HUNK: variants seen among roughly 807,000 people sequenced by gnomAD.
HUNK encodes the protein hormonally up-regulated neu tumor-associated kinase.
A neutral mutation model predicts 61.0 loss-of-function variants in HUNK; 21 were observed. That is an observed-to-expected ratio of 0.34 (90% CI 0.24 to 0.50). The LOEUF is 0.50. Ranked by LOEUF, HUNK falls within the 20% of genes least tolerant of loss-of-function variation. The probability of loss-of-function intolerance (pLI) is 0.98; values close to 1 mark genes in which losing one functional copy is unlikely to be tolerated. For synonymous variants in HUNK, 371 were observed against 386.1 expected, an observed-to-expected ratio of 0.96 and a Z score of 0.46; for missense variants, 772 against 945.7, an observed-to-expected ratio of 0.82 and a Z score of 2.41.
At chr21:31,960,300 T>C (rs2052918227) in intron 5 of HUNK, among the ~76,000 whole-genome samples, 1 of 151,818 alleles carries the variant, frequency 6.6e-6, no homozygotes, top group Admixed American at 6.5e-5. Flanking sequence ...AAATGGGTAA[T>C]AAACATGTGT....
At chr21:31,976,374 T>C (rs2053049046) in intron 7 of HUNK, among the ~76,000 whole-genome samples, 1 of 152,026 alleles carries the variant, frequency 6.6e-6, no homozygotes, top group African/African-American at 2.4e-5. Context: ...CAGTTCTCTG[T>C]TCTCTCATCA....
chr21:31,905,191 G>C (rs2052496883), intron 1 of HUNK, among the ~76,000 whole-genome samples: 1 of 152,116 alleles, frequency 6.6e-6, no homozygotes, highest in Non-Finnish European at 1.5e-5. Flanking sequence ...ACATAGGGAA[G>C]ACCGCATGAA....
intron 4 of HUNK, among the ~76,000 whole-genome samples, chr21:31,947,041 G>A (rs8130771): frequency 0.025 from 3,781 of 151,298 alleles, 60 homozygotes; most frequent in Non-Finnish European, 0.039. Flanking sequence ...TGGCGCCTGC[G>A]CATTCCCACA....
intron 5 of HUNK, among the ~76,000 whole-genome samples, chr21:31,965,677 C>T (rs530253050): frequency 3.3e-5 from 5 of 149,834 alleles, no homozygotes; most frequent in African/African-American, 4.9e-5. Flanking sequence ...TCTCAGCTCA[C>T]TGCAAACTCT....
At chr21:31,899,044 G>A (rs1297391320) in intron 1 of HUNK, among the ~76,000 whole-genome samples, 1 of 152,030 alleles carries the variant, frequency 6.6e-6, no homozygotes, top group East Asian at 1.9e-4. Context: ...CTTGTTCTCG[G>A]TAGGTTTATG....
chr21:31,997,132 C>A (rs2053211377), intron 10 of HUNK, among the ~76,000 whole-genome samples: 1 of 152,256 alleles, frequency 6.6e-6, no homozygotes, highest in Non-Finnish European at 1.5e-5. Context: ...GCTGGGCCTC[C>A]ACAGAGCCTA....
chr21:31,972,754 G>A (rs1177847916), intron 6 of HUNK, among the ~76,000 whole-genome samples: 2 of 152,206 alleles, frequency 1.3e-5, no homozygotes, highest in African/African-American at 4.8e-5. Flanking sequence ...GTGTAATTTT[G>A]TGACAAACAG....
chr21:31,886,985 A>G lies in HUNK; in HGVS notation c.261+13050A>G, dbSNP rs140973905. Among the ~76,000 whole-genome samples the G allele has an allele frequency of 2.8e-3, 427 of 152,310 alleles. 5 individuals are homozygous for G. Among genetic ancestry groups the G allele is most frequent in the African/African-American group, 9.7e-3 (402 of 41,564 alleles). ...AAGCATGGTTTGATCTTCCCAAGAC[A>G]TGTGGACAGCCTTCTAGGGGGTAAT... On this transcript the variant is annotated intron_variant, in intron 1 of 10. Coordinates refer to ENST00000270112, the MANE Select transcript of HUNK (RefSeq NM_014586.2).
intron 8 of HUNK, among the ~76,000 whole-genome samples, 193 bp from the exon 9 acceptor site, chr21:31,989,936 C>A (rs115659534): frequency 0.016 from 2,432 of 152,070 alleles, 74 homozygotes; most frequent in African/African-American, 0.054. Context: ...AAAAGTTTAC[C>A]TAGAAAATCT....
At chr21:31,900,992 A>G (rs2052463046) in intron 1 of HUNK, among the ~76,000 whole-genome samples, 1 of 152,078 alleles carries the variant, frequency 6.6e-6, no homozygotes, top group South Asian at 2.1e-4. Context: ...AGCTTCTGGC[A>G]CTTCCGTGGC....
intron 2 of HUNK, among the ~76,000 whole-genome samples, chr21:31,933,493 T>C (rs1167878612): frequency 6.6e-6 from 1 of 151,490 alleles, no homozygotes; most frequent in African/African-American, 2.4e-5. Flanking sequence ...TTACTAAAAA[T>C]ACACAAATTG....
rs34245381 is a variant in HUNK at position 31,916,043 on chromosome 21, C to CTTTTTTTT, written c.262-8407_262-8400dup. Among the ~76,000 whole-genome samples the CTTTTTTTT allele has an allele frequency of 8.3e-4, 68 of 81,756 alleles. 4 individuals carry two copies. The highest frequency in any genetic ancestry group is 1.9e-3 in the African/African-American group (38 of 19,668). 53.6% of individuals were successfully genotyped at this position (81,756 alleles called of 152,430 possible). On this transcript the variant is annotated intron_variant, in intron 1 of 10. Coordinates refer to ENST00000270112, the MANE Select transcript of HUNK (RefSeq NM_014586.2). Reference sequence around the variant, plus strand: ...TGCCAGACATTGTACTAAGTGCTTTCTTTTTTTTTTTTTTTTTTTTTTTTT... The same window carrying CTTTTTTTT: ...TGCCAGACATTGTACTAAGTGCTTTCTTTTTTTTTTTTTTTTTTTTTTTTTTTTTTTTT...
At chr21:31,908,108 T>C (rs939295397) in intron 1 of HUNK, among the ~76,000 whole-genome samples, 1 of 152,152 alleles carries the variant, frequency 6.6e-6, no homozygotes, top group Non-Finnish European at 1.5e-5. Flanking sequence ...ATGACTATTG[T>C]ATAAAAGCAT....
intron 4 of HUNK, among the ~76,000 whole-genome samples, chr21:31,952,587 C>G (rs1336646031): frequency 8.3e-6 from 1 of 121,156 alleles, no homozygotes; most frequent in Non-Finnish European, 1.8e-5. Flanking sequence ...GATACCACAA[C>G]TTTTCCTCCA....
chr21:31,967,188 A>G (rs150983822), intron 5 of HUNK, among the ~76,000 whole-genome samples: 2,563 of 151,834 alleles, frequency 0.017, 78 homozygotes, highest in African/African-American at 0.057. Context: ...ATCTCTACCA[A>G]AAAAATAAAA....
intron 9 of HUNK, 29 bp downstream of exon 9, chr21:31,990,205 T>C: frequency 6.3e-7 from 1 of 1,594,396 alleles, no homozygotes; most frequent in Non-Finnish European, 8.6e-7. Flanking sequence ...ATTATGTTAG[T>C]CAGGGTTCTC....
chr21:31,917,243 A>C (rs78343129), intron 1 of HUNK, among the ~76,000 whole-genome samples: 7,820 of 151,980 alleles, frequency 0.051, 255 homozygotes, highest in Middle Eastern at 0.12. Context: ...CCCAGGCTTG[A>C]GTGCAGTGGT....
chr21:31,928,623 T>C (rs530520115), intron 2 of HUNK, among the ~76,000 whole-genome samples: 1 of 152,308 alleles, frequency 6.6e-6, no homozygotes, highest in African/African-American at 2.4e-5. Context: ...CACTTTTCCC[T>C]CTAAAAATCA....
intron 1 of HUNK, among the ~76,000 whole-genome samples, chr21:31,898,352 G>A (rs1165936519): frequency 6.6e-6 from 1 of 152,016 alleles, no homozygotes; most frequent in Non-Finnish European, 1.5e-5. Flanking sequence ...TGCAACCTCC[G>A]CCTCCCAGTT....
Sources: gnomAD v4.1 joint callset for allele counts (sites outside exome capture counted in the v4.1 genomes callset) on GRCh38, gnomAD v4.1.1 for gene constraint, MANE v1.5 for transcripts, NCBI Gene and HGNC (gene_info 2026-07-23, HGNC 2026-07-21) for gene names.